TNS3: variants seen among roughly 807,000 people sequenced by gnomAD.
TNS3 encodes the protein tensin 3.
TNS3 carries 45 observed loss-of-function variants against 140.9 expected under a neutral mutation model. That is an observed-to-expected ratio of 0.32 (90% CI 0.25 to 0.41). The LOEUF (loss-of-function observed/expected upper bound fraction) is 0.41, where lower values mean the gene tolerates loss of function less well. Ranked by LOEUF, TNS3 falls within the 10% of genes least tolerant of loss-of-function variation. TNS3 has a pLI of 1.00. For missense variants in TNS3, 1,716 were observed against 1,906.7 expected, an observed-to-expected ratio of 0.90 and a Z score of 1.86; for synonymous variants, 815 against 788.4, an observed-to-expected ratio of 1.03 and a Z score of -0.56.
rs185535383 is a variant in TNS3, at chr7:47,330,753, C to T, written c.2650+14002G>A. Among the ~76,000 whole-genome samples, 11 of 152,106 alleles carry T rather than the reference C, an allele frequency of 7.2e-5. 1 individual carries two copies. The highest frequency in any genetic ancestry group is 3.9e-4 in the Admixed American group (6 of 15,276). On this transcript the variant is annotated intron_variant, in intron 20 of 30. Transcript: ENST00000311160. ...ACCAAGGAGAAGGGAGGAGCTGGGGCGCCCAGAGAAGACACACGGGAAGGG... is the reference window on the plus strand; with the variant it reads ...ACCAAGGAGAAGGGAGGAGCTGGGGTGCCCAGAGAAGACACACGGGAAGGG...
intron 17 of TNS3, among the ~76,000 whole-genome samples, chr7:47,351,876 C>T (rs1387741196): frequency 1.3e-5 from 2 of 152,104 alleles, no homozygotes; most frequent in African/African-American, 2.4e-5. Flanking sequence ...CCACACACCC[C>T]GCACCTCTCT....
At chr7:47,400,694 GAAAGAGGGT>G (rs1793105219) in intron 14 of TNS3, 82 bp downstream of exon 14, 1 of 1,543,896 alleles carries the variant, frequency 6.5e-7, no homozygotes, top group Non-Finnish European at 8.7e-7. Flanking sequence ...CTGAATTTTG[GAAAGAGGGT>G]AAAGGGGATA....
chr7:47,306,166 C>T (rs554256499), intron 20 of TNS3, among the ~76,000 whole-genome samples: 58 of 152,276 alleles, frequency 3.8e-4, no homozygotes, highest in African/African-American at 1.4e-3. Flanking sequence ...TTATCAACAG[C>T]ATATGTGATT....
chr7:47,498,760 G>A (rs555048289), intron 3 of TNS3, among the ~76,000 whole-genome samples: 2 of 152,292 alleles, frequency 1.3e-5, no homozygotes, highest in East Asian at 3.9e-4. Context: ...ACATGGTCCC[G>A]TCAGCCCGGC....
At chr7:47,291,921 C>A in intron 27 of TNS3, 34 bp downstream of exon 27, 2 of 1,609,518 alleles carry the variant, frequency 1.2e-6, no homozygotes, top group South Asian at 2.2e-5. Context: ...TCTCCCCAGT[C>A]ACCAGATGTA....
chr7:47,293,787 C>T lies in TNS3; in HGVS notation c.3718G>A (p.Glu1240Lys), dbSNP rs1191452375. 2 of 1,614,006 alleles carry T rather than the reference C, an allele frequency of 1.2e-6. No individual in the cohort carries two copies. The highest frequency in any genetic ancestry group is 2.2e-5 in the East Asian group (1 of 44,892). ...ANELVRHFLI[E>K]CTPKGVRLKG... ...AACCGCACTCCCTTCGGGGTACACT[C>T]GATCAAAAAGTGCCGGACGAGTTCA... Residue 1240 changes from glutamate (E) to lysine (K), a missense_variant, in exon 25 of 31, where the codon GAG becomes AAG. Physicochemically the swap from Glu to Lys is moderately conservative, Grantham distance 56. Coordinates refer to ENST00000311160, the MANE Select transcript of TNS3 (RefSeq NM_022748.12).
chr7:47,520,985 T>C (rs1020322029), intron 2 of TNS3, among the ~76,000 whole-genome samples: 1 of 152,254 alleles, frequency 6.6e-6, no homozygotes, highest in Non-Finnish European at 1.5e-5. Context: ...GGTGTTTATC[T>C]GCACAAATTC....
intron 16 of TNS3, among the ~76,000 whole-genome samples, chr7:47,378,090 G>T (rs896015198): frequency 1.6e-4 from 25 of 152,148 alleles, no homozygotes; most frequent in African/African-American, 6.0e-4. Context: ...GGAGAAGGGG[G>T]TGTTTGCTGA....
chr7:47,288,696 C>T (rs181027455), intron 27 of TNS3, among the ~76,000 whole-genome samples: 4 of 152,332 alleles, frequency 2.6e-5, no homozygotes. Context: ...TGGCCCAGGA[C>T]CAGCCCAGGT....
At chr7:47,371,208 AG>A (rs777530537) in intron 16 of TNS3, among the ~76,000 whole-genome samples, 18 of 152,338 alleles carry the variant, frequency 1.2e-4, no homozygotes, top group Non-Finnish European at 2.4e-4. Flanking sequence ...AGGCAGGGAA[AG>A]TGATGACAGA....
intron 8 of TNS3, among the ~76,000 whole-genome samples, chr7:47,430,107 ATTTCTTTTCT>A (rs1200419811): frequency 7.8e-6 from 1 of 127,928 alleles, no homozygotes; most frequent in African/African-American, 2.6e-5. Flanking sequence ...TAAAGCAAGT[ATTTCTTTTCT>A]TTTCTTTTCT....
At chr7:47,515,126 G>C (rs1375894364) in intron 2 of TNS3, among the ~76,000 whole-genome samples, 2 of 152,136 alleles carry the variant, frequency 1.3e-5, no homozygotes, top group Non-Finnish European at 2.9e-5. Context: ...AGAGATAACA[G>C]GGCCCTTACA....
chr7:47,571,758 C>T (rs555484137), intron 1 of TNS3, among the ~76,000 whole-genome samples: 1 of 152,346 alleles, frequency 6.6e-6, no homozygotes, highest in South Asian at 2.1e-4. Flanking sequence ...CCCAGCTGGC[C>T]GCTCACCAAG....
chr7:47,433,424 C>T (rs996699034), intron 8 of TNS3, among the ~76,000 whole-genome samples: 1 of 152,094 alleles, frequency 6.6e-6, no homozygotes, highest in African/African-American at 2.4e-5. Flanking sequence ...CAACATGTTC[C>T]CATGAATTCC....
intron 20 of TNS3, among the ~76,000 whole-genome samples, chr7:47,324,525 G>A (rs1323687700): frequency 6.6e-6 from 1 of 152,196 alleles, no homozygotes; most frequent in Non-Finnish European, 1.5e-5. Flanking sequence ...GCGGAGGCAG[G>A]CAGACCGCTT....
At chr7:47,512,758 C>T (rs1798654702) in intron 2 of TNS3, among the ~76,000 whole-genome samples, 1 of 152,108 alleles carries the variant, frequency 6.6e-6, no homozygotes, top group South Asian at 2.1e-4. Context: ...AACAGAAATA[C>T]CATGAATTTC....
At chr7:47,347,196 A>G (rs1187714707) in intron 17 of TNS3, among the ~76,000 whole-genome samples, 3 of 152,226 alleles carry the variant, frequency 2.0e-5, no homozygotes, top group Admixed American at 6.5e-5. Context: ...GTAAGTGTAG[A>G]GTGCAGAGTA....
intron 8 of TNS3, among the ~76,000 whole-genome samples, chr7:47,432,950 G>A (rs1207935144): frequency 3.3e-5 from 5 of 152,188 alleles, no homozygotes; most frequent in Admixed American, 3.3e-4. Flanking sequence ...TTTTCCATGG[G>A]TATTCTTCAC....
intron 13 of TNS3, among the ~76,000 whole-genome samples, chr7:47,403,854 A>T (rs1793295656): frequency 6.6e-6 from 1 of 152,248 alleles, no homozygotes; most frequent in African/African-American, 2.4e-5. Flanking sequence ...AAGAGATCAG[A>T]ATTATGCTTG....
Sources: gnomAD v4.1 joint callset for allele counts (sites outside exome capture counted in the v4.1 genomes callset) on GRCh38, gnomAD v4.1.1 for gene constraint, MANE v1.5 for transcripts, NCBI Gene and HGNC (gene_info 2026-07-23, HGNC 2026-07-21) for gene names.